The following RAP1A variants were observed in gnomAD, a reference collection of about 807,000 sequenced individuals.
RAP1A encodes the protein RAP1A, member of RAS oncogene family, also known as ras-related protein Rap-1A.
In RAP1A, 6 loss-of-function variants were observed where a neutral mutation model predicts 26.4. The ratio of observed to expected loss-of-function variants is 0.23; its 90% CI spans 0.12 to 0.45. RAP1A has a LOEUF of 0.45. Among genes scored for constraint, RAP1A ranks in the 20% least tolerant of loss-of-function variants. RAP1A has a pLI of 0.99. For missense variants in RAP1A, 121 were observed against 217.2 expected (o/e 0.56, Z 2.78); for synonymous variants, 73 against 79.4 (o/e 0.92, Z 0.43).
intron 1 of RAP1A, chr1:111,648,225 C>A: frequency 4.6e-6 from 2 of 434,082 alleles, no homozygotes; most frequent in Non-Finnish European, 8.3e-6. Flanking sequence ...TTTTGACTTC[C>A]AGTGACCTTT....
At chr1:111,633,625 C>A (rs1326587120) in intron 1 of RAP1A, among the ~76,000 whole-genome samples, 1 of 152,140 alleles carries the variant, frequency 6.6e-6, no homozygotes, top group Non-Finnish European at 1.5e-5. Context: ...TAAAAAGTTT[C>A]TGTGTCTTTT....
intron 1 of RAP1A, among the ~76,000 whole-genome samples, chr1:111,635,385 C>T (rs1371493901): frequency 6.6e-6 from 1 of 152,204 alleles, no homozygotes; most frequent in Non-Finnish European, 1.5e-5. Flanking sequence ...AAACACTTTG[C>T]AAAAGTTTGC....
At position 111,663,576 on chromosome 1, in the gene RAP1A, A is replaced by G. The variant is rs543918651; in HGVS notation, c.-27-27758A>G. Among the ~76,000 whole-genome samples, 9 of 152,362 alleles carry G rather than the reference A, an allele frequency of 5.9e-5. No individual in the cohort carries two copies. In the East Asian group the frequency reaches 1.7e-3, roughly 29 times the overall value. ...GTGTTCACAGCAACATTGCTGAACT[A>G]TGTCCCTTACTTTAAGATTAGCCCT... On this transcript the variant is annotated intron_variant, in intron 1 of 7. Coordinates refer to ENST00000369709, the MANE Select transcript of RAP1A (RefSeq NM_002884.4).
rs564576980 is a variant in RAP1A at position 111,668,211 on chromosome 1, A to G, written c.-27-23123A>G. Among the ~76,000 whole-genome samples, 5 of 152,006 alleles carry G rather than the reference A, an allele frequency of 3.3e-5. No homozygotes were observed. In the South Asian group the frequency reaches 1.0e-3, roughly 32 times the overall value. On this transcript the variant is annotated intron_variant, in intron 1 of 7. Transcript: ENST00000369709. Reference sequence around the variant, plus strand: ...ATGGTTCAAAGTAATTCTGGCCACTAGTAACTCCAGGCACTTGCAGAAGCA... The same window carrying G: ...ATGGTTCAAAGTAATTCTGGCCACTGGTAACTCCAGGCACTTGCAGAAGCA...
chr1:111,693,698 A>G (rs950067646), intron 2 of RAP1A, among the ~76,000 whole-genome samples: 14 of 152,300 alleles, frequency 9.2e-5, no homozygotes, highest in African/African-American at 3.4e-4. Flanking sequence ...TTCTGTATCC[A>G]GTCTCTTTCA....
intron 1 of RAP1A, among the ~76,000 whole-genome samples, chr1:111,646,690 G>A (rs1396149490): frequency 2.0e-5 from 3 of 151,902 alleles, no homozygotes; most frequent in Admixed American, 2.0e-4. Flanking sequence ...ACAGGTGCCC[G>A]CCACCACACC....
intron 1 of RAP1A, among the ~76,000 whole-genome samples, chr1:111,611,069 A>G (rs1256309767): frequency 1.4e-5 from 2 of 147,952 alleles, no homozygotes; most frequent in East Asian, 4.1e-4. Flanking sequence ...ACAGTTGGTT[A>G]TTCTTAAATG....
intron 1 of RAP1A, among the ~76,000 whole-genome samples, chr1:111,606,865 CG>C (rs781224855): frequency 1.4e-4 from 21 of 152,240 alleles, no homozygotes; most frequent in Middle Eastern, 3.4e-3. Flanking sequence ...AAAGCATACT[CG>C]AATGTAGTTT....
chr1:111,557,286 C>T (rs1657532720), intron 1 of RAP1A, among the ~76,000 whole-genome samples: 2 of 152,120 alleles, frequency 1.3e-5, no homozygotes, highest in East Asian at 1.9e-4. Flanking sequence ...TGGTGGCTCA[C>T]GCCTGTAATC....
intron 1 of RAP1A, among the ~76,000 whole-genome samples, chr1:111,670,424 A>G (rs1206483678): frequency 1.3e-5 from 2 of 152,158 alleles, no homozygotes; most frequent in Admixed American, 6.5e-5. Flanking sequence ...CAGTGAGCCA[A>G]GATCATGCCA....
At chr1:111,556,597 C>G (rs1217702472) in intron 1 of RAP1A, among the ~76,000 whole-genome samples, 1 of 152,110 alleles carries the variant, frequency 6.6e-6, no homozygotes, top group East Asian at 1.9e-4. Flanking sequence ...CCAACACAAG[C>G]TACGACATGG....
At chr1:111,593,407 T>C (rs929726708) in intron 1 of RAP1A, among the ~76,000 whole-genome samples, 10 of 152,188 alleles carry the variant, frequency 6.6e-5, no homozygotes, top group Non-Finnish European at 1.5e-4. Flanking sequence ...ATTTCTTCTT[T>C]GTACTTTTTT....
intron 1 of RAP1A, chr1:111,649,553 C>G: frequency 4.0e-6 from 1 of 248,404 alleles, no homozygotes; most frequent in Non-Finnish European, 8.2e-6. Flanking sequence ...CTCATGCTCT[C>G]TGGGGAGGAG....
At chr1:111,543,027 AC>A (rs1656901171) in intron 1 of RAP1A, among the ~76,000 whole-genome samples, 1 of 152,148 alleles carries the variant, frequency 6.6e-6, no homozygotes, top group South Asian at 2.1e-4. Flanking sequence ...ACCATGAGAA[AC>A]TAAAATCAAA....
chr1:111,687,849 A>C (rs1030430643), intron 1 of RAP1A, among the ~76,000 whole-genome samples: 2 of 151,906 alleles, frequency 1.3e-5, no homozygotes, highest in Non-Finnish European at 2.9e-5. Flanking sequence ...CTCTGTGTCT[A>C]CAAAAAAAAT....
intron 1 of RAP1A, among the ~76,000 whole-genome samples, chr1:111,613,222 C>A (rs901579964): frequency 6.7e-5 from 10 of 148,998 alleles, no homozygotes; most frequent in Admixed American, 6.0e-4. Flanking sequence ...TTTTTTGAGA[C>A]GGAGTCTTGC....
At chr1:111,607,003 TTTTA>T (rs370268151) in intron 1 of RAP1A, among the ~76,000 whole-genome samples, 1,944 of 145,774 alleles carry the variant, frequency 0.013, 10 homozygotes, top group Middle Eastern at 0.041. Context: ...ATTCATTTTC[TTTTA>T]TTTATTTATT....
upstream of RAP1A, among the ~76,000 whole-genome samples, chr1:111,616,361 G>C (rs985599979): frequency 6.6e-6 from 1 of 152,166 alleles, no homozygotes; most frequent in Admixed American, 6.5e-5. Context: ...CAAACCAATG[G>C]TTCACATATA....
intron 1 of RAP1A, among the ~76,000 whole-genome samples, chr1:111,671,038 G>A (rs938299131): frequency 6.6e-6 from 1 of 152,152 alleles, no homozygotes; most frequent in Admixed American, 6.5e-5. Flanking sequence ...GATTTATCTG[G>A]GGATATAGAT....
Sources: allele counts gnomAD v4.1 joint callset (sites outside exome capture counted in the v4.1 genomes callset), GRCh38; gene constraint gnomAD v4.1.1; transcripts MANE v1.5; gene names NCBI Gene and HGNC (gene_info 2026-07-23, HGNC 2026-07-21).